Variants in C8orf34 observed in about 807,000 individuals in gnomAD.
C8orf34 encodes the protein chromosome 8 open reading frame 34, also known as uncharacterized protein C8orf34.
Under a neutral mutation model 68.3 loss-of-function variants are expected in C8orf34, and 65 were observed. The ratio of observed to expected loss-of-function variants is 0.95; its 90% CI spans 0.78 to 1.17. C8orf34 has a LOEUF of 1.17. C8orf34 is among the 50% of genes most tolerant of loss of function. The probability of loss-of-function intolerance (pLI) is 0.00; values close to 1 mark genes in which losing one functional copy is unlikely to be tolerated. For missense variants in C8orf34, 664 were observed against 655.4 expected (o/e 1.01, Z -0.14); for synonymous variants, 244 against 241.2 (o/e 1.01, Z -0.11).
intron 10 of C8orf34, among the ~76,000 whole-genome samples, chr8:68,721,831 C>A (rs568366443): frequency 6.6e-6 from 1 of 151,722 alleles, no homozygotes; most frequent in Non-Finnish European, 1.5e-5. Flanking sequence ...GGGAGAGAAC[C>A]ATTAGGTTTA....
intron 7 of C8orf34, among the ~76,000 whole-genome samples, chr8:68,638,106 T>C (rs1488893443): frequency 6.6e-6 from 1 of 152,208 alleles, no homozygotes; most frequent in Non-Finnish European, 1.5e-5. Context: ...TGATCCAATA[T>C]GGTGGGCAGA....
chr8:68,692,106 T>C (rs1162608060), intron 8 of C8orf34, among the ~76,000 whole-genome samples: 2 of 151,982 alleles, frequency 1.3e-5, no homozygotes, highest in Non-Finnish European at 2.9e-5. Context: ...TCCAGGTTTG[T>C]TGAAATTAGA....
intron 8 of C8orf34, among the ~76,000 whole-genome samples, chr8:68,650,477 CTTT>C (rs57112362): frequency 8.3e-6 from 1 of 120,816 alleles, no homozygotes; most frequent in Non-Finnish European, 1.7e-5. Context: ...CCACCCTAGT[CTTT>C]TTTTTTTTTT....
intron 13 of C8orf34, among the ~76,000 whole-genome samples, chr8:68,816,992 T>G (rs1000071837): frequency 6.6e-6 from 1 of 152,188 alleles, no homozygotes; most frequent in Non-Finnish European, 1.5e-5. Flanking sequence ...TCAAGTGTGC[T>G]TTGTATGACA....
At chr8:68,517,801 A>G (rs1264533889) in intron 5 of C8orf34, among the ~76,000 whole-genome samples, 1 of 152,154 alleles carries the variant, frequency 6.6e-6, no homozygotes, top group Admixed American at 6.5e-5. Context: ...CTTTGTTTCA[A>G]GTACCATCTA....
intron 8 of C8orf34, among the ~76,000 whole-genome samples, chr8:68,654,876 T>C (rs564612141): frequency 9.9e-5 from 15 of 152,262 alleles, no homozygotes; most frequent in African/African-American, 2.9e-4. Flanking sequence ...AGTATCTTAG[T>C]GTCAAGAATA....
At chr8:68,453,244 T>G (rs1337321321) in intron 3 of C8orf34, among the ~76,000 whole-genome samples, 1 of 151,998 alleles carries the variant, frequency 6.6e-6, no homozygotes, top group Non-Finnish European at 1.5e-5. Context: ...CTCTCAGGAT[T>G]GTTTAGGCTA....
chr8:68,621,829 G>A (rs1425367303), intron 7 of C8orf34, among the ~76,000 whole-genome samples: 1 of 152,168 alleles, frequency 6.6e-6, no homozygotes, highest in Non-Finnish European at 1.5e-5. Flanking sequence ...AAAATTGCTT[G>A]AGTGTTGCAT....
At chr8:68,371,746 T>G (rs1400875819) in intron 1 of C8orf34, among the ~76,000 whole-genome samples, 1 of 151,970 alleles carries the variant, frequency 6.6e-6, no homozygotes, top group African/African-American at 2.4e-5. Context: ...ATTACAGGCA[T>G]GCACCACCAC....
intron 7 of C8orf34, among the ~76,000 whole-genome samples, chr8:68,619,225 C>A (rs890468628): frequency 3.3e-5 from 5 of 152,168 alleles, no homozygotes; most frequent in Admixed American, 3.3e-4. Context: ...ACTTGAAAAG[C>A]TGAGGTGGGA....
In C8orf34 at chr8:68,569,200, A is replaced by C. The variant is rs377094856; in HGVS notation, c.1105+36051A>C. The stretch of plus-strand genomic sequence containing the variant: ...AAAGAAACCTTAAAATTGAGCCAGC[A>C]TCTCTAAAAATTTGCTTAAAGAAAC... On this transcript the variant is annotated intron_variant, in intron 7 of 13. Coordinates refer to ENST00000518698, the MANE Select transcript of C8orf34 (RefSeq NM_052958.4). Among the ~76,000 whole-genome samples, 34 of 152,380 alleles carry C rather than the reference A, an allele frequency of 2.2e-4. No homozygotes were observed. The East Asian group carries it at 5.2e-3, about 23-fold the overall frequency.
intron 10 of C8orf34, among the ~76,000 whole-genome samples, chr8:68,767,386 T>A (rs1368329171): frequency 2.0e-5 from 3 of 152,196 alleles, no homozygotes; most frequent in African/African-American, 7.2e-5. Flanking sequence ...TTGCCAACTT[T>A]AAAAAATCTG....
Position 68,584,514 on chromosome 8 carries a change from G to T in C8orf34, c.1105+51365G>T, listed in dbSNP as rs559583687. The stretch of plus-strand genomic sequence containing the variant: ...ATTTGAAATATATTCATATATACAT[G>T]TCCATACCTTCAATGTTGTATCTCT... On this transcript the variant is annotated intron_variant, in intron 7 of 13. Coordinates refer to ENST00000518698, the MANE Select transcript of C8orf34 (RefSeq NM_052958.4). Among the ~76,000 whole-genome samples, 110 of 152,098 alleles carry T rather than the reference G, an allele frequency of 7.2e-4. 1 individual carries two copies. The Middle Eastern group carries it at 0.01, about 14-fold the overall frequency.
At chr8:68,702,214 C>T (rs1821038466) in intron 8 of C8orf34, among the ~76,000 whole-genome samples, 1 of 152,092 alleles carries the variant, frequency 6.6e-6, no homozygotes, top group Admixed American at 6.6e-5. Context: ...ACCATGGGCA[C>T]TCTCCATAGA....
rs558666436 is a variant in C8orf34, at chr8:68,369,697, CAAACCAGAAGCTGTGTCTCAGAAGA to C, written c.327+38363_327+38387del. ...AAGGCATTGTACCAGGGCCCAACAG[CAAACCAGAAGCTGTGTCTCAGAAGA>C]AAACTAGTCATCTGGAGAAGCAGAC... On this transcript the variant is annotated intron_variant, in intron 1 of 13. Transcript: ENST00000518698. Among the ~76,000 whole-genome samples the C allele has an allele frequency of 2.0e-3, 301 of 152,296 alleles. 1 individual carries two copies. The highest frequency in any genetic ancestry group is 7.0e-3 in the African/African-American group (292 of 41,564).
intron 8 of C8orf34, among the ~76,000 whole-genome samples, chr8:68,683,250 ATATT>A (rs1820420061): frequency 6.6e-6 from 1 of 151,984 alleles, no homozygotes; most frequent in Non-Finnish European, 1.5e-5. Flanking sequence ...ATTTAAAAAG[ATATT>A]TATATGATTC....
chr8:68,412,152 A>G (rs1240064542), intron 1 of C8orf34, among the ~76,000 whole-genome samples: 1 of 152,188 alleles, frequency 6.6e-6, no homozygotes, highest in Non-Finnish European at 1.5e-5. Context: ...TTCTGTGTTT[A>G]TAAATTAGGT....
intron 10 of C8orf34, among the ~76,000 whole-genome samples, chr8:68,731,313 T>C (rs1310779621): frequency 6.6e-6 from 1 of 152,200 alleles, no homozygotes; most frequent in Non-Finnish European, 1.5e-5. Flanking sequence ...TTCTGCTTAT[T>C]GTAAAAAGTG....
At chr8:68,645,735 G>T (rs557117186) in intron 8 of C8orf34, among the ~76,000 whole-genome samples, 2 of 152,104 alleles carry the variant, frequency 1.3e-5, no homozygotes, top group Non-Finnish European at 2.9e-5. Flanking sequence ...GATGTTGAGG[G>T]TTTCTCCAAA....
Sources: allele counts gnomAD v4.1 joint callset (sites outside exome capture counted in the v4.1 genomes callset), GRCh38; gene constraint gnomAD v4.1.1; transcripts MANE v1.5; gene names NCBI Gene and HGNC (gene_info 2026-07-23, HGNC 2026-07-21).